The following ODF2 variants were observed in gnomAD, a reference collection of about 807,000 sequenced individuals.
The protein encoded by ODF2 is outer dense fiber protein 2.
Under a neutral mutation model 110.2 loss-of-function variants are expected in ODF2, and 47 were observed. The ratio of observed to expected loss-of-function variants is 0.43; its 90% confidence interval spans 0.34 to 0.54. The LOEUF (loss-of-function observed/expected upper bound fraction) is 0.54, where lower values mean the gene tolerates loss of function less well. Among genes scored for constraint, ODF2 ranks in the 20% least tolerant of loss-of-function variants. The probability of loss-of-function intolerance (pLI) is 0.03; values close to 1 mark genes in which losing one functional copy is unlikely to be tolerated. For synonymous variants in ODF2, 352 were observed against 397.7 expected (o/e 0.89, Z 1.37); for missense variants, 812 against 1,054.5 (o/e 0.77, Z 3.19).
chr9:128,478,256 T>G (rs1423099116), intron 8 of ODF2, among the ~76,000 whole-genome samples: 1 of 152,128 alleles, frequency 6.6e-6, no homozygotes, highest in Non-Finnish European at 1.5e-5. Flanking sequence ...CCTCGGCTTC[T>G]GAAATTGTTG....
intron 8 of ODF2, among the ~76,000 whole-genome samples, chr9:128,476,606 C>T (rs551451760): frequency 4.0e-5 from 6 of 150,940 alleles, no homozygotes; most frequent in East Asian, 4.0e-4. Flanking sequence ...TTGTTTGTTT[C>T]GTTTTGTTTT....
chr9:128,499,918 T>G, intron 20 of ODF2, 149 bp from the exon 21 acceptor site: 2 of 718,816 alleles, frequency 2.8e-6, no homozygotes, highest in Non-Finnish European at 2.3e-6. Flanking sequence ...TCTTAGAATA[T>G]TTTCAGAAAG....
At position 128,485,929 on chromosome 9, in the gene ODF2, T is replaced by C. The variant is rs899857459; in HGVS notation, c.1400+455T>C. ...GTAGGTCAGTGGTATGGCATGGGAG[T>C]AGGGGGCAAAAGTGGCCTCAATTTG... On this transcript the variant is annotated intron_variant, in intron 13 of 20. Coordinates refer to ENST00000604420, the Ensembl canonical transcript of ODF2. The surrounding 1 kb of genome is among the most constrained non-coding windows in gnomAD (Gnocchi z 5.0). Among the ~76,000 whole-genome samples, 2 of 151,896 alleles carry C rather than the reference T, an allele frequency of 1.3e-5. No individual in the cohort carries two copies. The highest frequency in any genetic ancestry group is 4.8e-5 in the African/African-American group (2 of 41,342).
chr9:128,487,238 C>T (rs534119803), intron 13 of ODF2, among the ~76,000 whole-genome samples: 1 of 152,332 alleles, frequency 6.6e-6, no homozygotes, highest in East Asian at 1.9e-4. Flanking sequence ...TGAGCTGCCA[C>T]ACCCAGCCCA....
chr9:128,460,842 A>G, intron 3 of ODF2, 100 bp from the exon 4 acceptor site: 7 of 1,546,552 alleles, frequency 4.5e-6, no homozygotes, highest in Non-Finnish European at 5.3e-6. Context: ...CAGTAACATT[A>G]GTCAGAAGAG....
chr9:128,474,475 A>C (rs545582436), intron 8 of ODF2, among the ~76,000 whole-genome samples: 1 of 152,066 alleles, frequency 6.6e-6, no homozygotes, highest in East Asian at 1.9e-4. Context: ...CCTGGGCGAC[A>C]GAGCGAGATT....
At chr9:128,481,527 C>T (rs1726625079) in intron 8 of ODF2, 53 bp from the exon 9 acceptor site, 2 of 1,322,554 alleles carry the variant, frequency 1.5e-6, no homozygotes, top group Non-Finnish European at 2.1e-6. Context: ...AAAATGTAGA[C>T]ATCTGGGTTT....
intron 14 of ODF2, among the ~76,000 whole-genome samples, chr9:128,490,287 AT>A (rs879656530): frequency 7.0e-4 from 102 of 146,114 alleles, no homozygotes; most frequent in East Asian, 7.9e-4. Flanking sequence ...TCCTAGTCTA[AT>A]TTTTTTTTTT....
chr9:128,460,699 T>G, intron 3 of ODF2, 33 bp downstream of exon 3: 1 of 1,612,848 alleles, frequency 6.2e-7, no homozygotes, highest in Non-Finnish European at 8.5e-7. Context: ...AGGTAGTAGC[T>G]GTGGATCTGG....
chr9:128,477,244 A>C (rs1189411861), intron 8 of ODF2, among the ~76,000 whole-genome samples: 4 of 151,468 alleles, frequency 2.6e-5, no homozygotes, highest in East Asian at 4.0e-4. Context: ...AAAAAAAAAA[A>C]AACCTGTTAA....
In ODF2 at chr9:128,459,668, C is replaced by T. The variant is rs774175192; in HGVS notation, c.123+11C>T. ...AGTGTAACTGTGACGGTAGGTGATGCACTCACGTAGCAGCCCTCTTTGGTC... is the reference window on the plus strand; with the variant it reads ...AGTGTAACTGTGACGGTAGGTGATGTACTCACGTAGCAGCCCTCTTTGGTC... On this transcript the variant is annotated intron_variant, in intron 3 of 20. Coordinates refer to ENST00000604420, the Ensembl canonical transcript of ODF2. 3.1e-6 allele frequency: 5 copies of T among 1,600,488 alleles called. No homozygotes were observed. The highest frequency in any genetic ancestry group is 2.2e-5 in the South Asian group (2 of 90,642).
intron 8 of ODF2, among the ~76,000 whole-genome samples, chr9:128,475,516 G>A (rs756777713): frequency 2.6e-5 from 4 of 152,174 alleles, no homozygotes; most frequent in Non-Finnish European, 5.9e-5. Flanking sequence ...ATACACATCA[G>A]TAACTATAGT....
intron 10 of ODF2, among the ~76,000 whole-genome samples, chr9:128,483,221 A>G (rs1842755995): frequency 6.6e-6 from 1 of 152,028 alleles, no homozygotes; most frequent in Admixed American, 6.6e-5. Context: ...GAGCCAGTAG[A>G]ATATAATGGA....
intron 8 of ODF2, among the ~76,000 whole-genome samples, chr9:128,476,143 G>A (rs986490438): frequency 4.6e-5 from 7 of 152,040 alleles, no homozygotes; most frequent in African/African-American, 9.7e-5. Context: ...GGTTGATTCC[G>A]TATCTTGGCT....
At position 128,498,529 on chromosome 9, in the gene ODF2, C is replaced by G. The variant is rs16930426; in HGVS notation, c.2129C>G (p.Thr710Ser). 4.2e-3 allele frequency: 6,835 copies of G among 1,611,576 alleles called. 260 individuals are homozygous for G. In the African/African-American group the frequency reaches 0.081, roughly 19 times the overall value. ...GAGGAGAAAACACGGGAATGTGGGA[C>G]CCTGGCAAGGCAGTTGGAGAGTGCC... is the stretch of plus-strand genomic sequence containing the variant. Residue 710 changes from threonine to serine, a missense_variant, in exon 19 of 21, where the codon ACC becomes AGC. Coordinates refer to ENST00000604420, the Ensembl canonical transcript of ODF2.
chr9:128,483,825 G>T, intron 10 of ODF2, 113 bp from the exon 11 acceptor site: 1 of 757,106 alleles, frequency 1.3e-6, no homozygotes, highest in Non-Finnish European at 2.4e-6. Flanking sequence ...GGTGGAGGTT[G>T]CAGTGAGCTG....
At chr9:128,492,786 T>C (rs759692064) in exon 16 of ODF2, 2 of 1,613,980 alleles carry the variant, frequency 1.2e-6, no homozygotes, top group Admixed American at 3.3e-5. Context: ...AAAGATGAGA[T>C]GAACAAAGAG....
At chr9:128,476,091 T>C (rs1277869241) in intron 8 of ODF2, among the ~76,000 whole-genome samples, 1 of 149,394 alleles carries the variant, frequency 6.7e-6, no homozygotes, top group Non-Finnish European at 1.5e-5. Context: ...CCATTGTGTA[T>C]CTCTACTGCG....
At position 128,481,576 on chromosome 9, in the gene ODF2, G is replaced by T; in HGVS notation, c.844-4G>T. 1.2e-6 allele frequency: 2 copies of T among 1,611,982 alleles called. No homozygotes were observed. The highest frequency in any genetic ancestry group is 2.2e-5 in the South Asian group (2 of 90,810). ...TTGACTTTTTCCTTTGCCTTTCTTTGAAGGATTCTGAAAGACTAATGGAGC... is the reference window on the plus strand; with the variant it reads ...TTGACTTTTTCCTTTGCCTTTCTTTTAAGGATTCTGAAAGACTAATGGAGC... On this transcript the variant is annotated splice_polypyrimidine_tract_variant and splice_region_variant and intron_variant, in intron 8 of 20. Coordinates refer to ENST00000604420, the Ensembl canonical transcript of ODF2.
Sources: gnomAD v4.1 joint callset for allele counts (sites outside exome capture counted in the v4.1 genomes callset) on GRCh38, gnomAD v4.1.1 for gene constraint, Gnocchi (gnomAD v3.1) non-coding constraint, MANE v1.5 for transcripts, NCBI Gene and HGNC (gene_info 2026-07-23, HGNC 2026-07-21) for gene names.